The following DPP6 variants were observed in gnomAD, a reference collection of about 807,000 sequenced individuals.
The protein encoded by DPP6 is dipeptidyl peptidase like 6, also known as A-type potassium channel modulatory protein DPP6.
Under a neutral mutation model 122.6 loss-of-function variants are expected in DPP6, and 69 were observed. That is an observed-to-expected ratio of 0.56 (90% CI 0.46 to 0.69). The LOEUF (loss-of-function observed/expected upper bound fraction) is 0.69. DPP6 is among the 30% of genes least tolerant of loss of function. The pLI, the probability that DPP6 is intolerant of heterozygous loss-of-function variation, is 0.00. For synonymous variants in DPP6, 418 were observed against 433.1 expected, an observed-to-expected ratio of 0.97 and a Z score of 0.43; for missense variants, 928 against 1,116.9, an observed-to-expected ratio of 0.83 and a Z score of 2.41.
At chr7:154,871,126 C>T (rs1247727149) in intron 18 of DPP6, among the ~76,000 whole-genome samples, 1 of 152,228 alleles carries the variant, frequency 6.6e-6, no homozygotes, top group Admixed American at 6.5e-5. Flanking sequence ...GCTCCTTAGG[C>T]CTGGCCTCCT....
chr7:154,030,799 C>CA (rs1799185969), intron 1 of DPP6, among the ~76,000 whole-genome samples: 1 of 152,188 alleles, frequency 6.6e-6, no homozygotes. Flanking sequence ...ACCACTCACA[C>CA]AGCCTGATCT....
intron 1 of DPP6, among the ~76,000 whole-genome samples, chr7:154,001,957 ACTC>A (rs2129046035): frequency 6.6e-6 from 1 of 151,056 alleles, no homozygotes; most frequent in South Asian, 2.1e-4. Flanking sequence ...GCTTTTCTGA[ACTC>A]CTACAGGTTT....
At chr7:154,008,917 G>A (rs1308694401) in intron 1 of DPP6, among the ~76,000 whole-genome samples, 2 of 148,590 alleles carry the variant, frequency 1.3e-5, no homozygotes, top group African/African-American at 2.5e-5. Flanking sequence ...CGCCCGCCTC[G>A]GCCTCCCAAA....
At chr7:154,259,035 C>A (rs899069434) in intron 1 of DPP6, among the ~76,000 whole-genome samples, 25 of 152,222 alleles carry the variant, frequency 1.6e-4, no homozygotes, top group African/African-American at 6.0e-4. Flanking sequence ...GTGTTGAAAT[C>A]GGACGGAAGT....
At chr7:154,723,698 A>G (rs1454623591) in intron 7 of DPP6, among the ~76,000 whole-genome samples, 1 of 152,206 alleles carries the variant, frequency 6.6e-6, no homozygotes, top group Non-Finnish European at 1.5e-5. Context: ...TGCCTTTTTC[A>G]TATTTTCAGT....
At chr7:154,366,079 G>GTGCTATCT (rs1292852183) in intron 1 of DPP6, among the ~76,000 whole-genome samples, 3 of 152,152 alleles carry the variant, frequency 2.0e-5, no homozygotes, top group Non-Finnish European at 4.4e-5. Flanking sequence ...AGCACCTGGG[G>GTGCTATCT]TGCTATCTTG....
intron 1 of DPP6, among the ~76,000 whole-genome samples, chr7:153,916,226 G>A (rs983912748): frequency 6.6e-6 from 1 of 151,918 alleles, no homozygotes; most frequent in Non-Finnish European, 1.5e-5. Context: ...TCCCACCTTG[G>A]CCTCACAAAG....
chr7:154,193,527 GA>G (rs996477336), intron 1 of DPP6, among the ~76,000 whole-genome samples: 1 of 152,142 alleles, frequency 6.6e-6, no homozygotes, highest in Admixed American at 6.6e-5. Context: ...AGGTTGAATG[GA>G]GGGGCAGACT....
intron 1 of DPP6, among the ~76,000 whole-genome samples, chr7:154,442,418 A>G (rs1010847524): frequency 6.6e-6 from 1 of 152,184 alleles, no homozygotes; most frequent in East Asian, 1.9e-4. Flanking sequence ...ACCAGGCAAG[A>G]CTTCCTACGA....
intron 1 of DPP6, among the ~76,000 whole-genome samples, chr7:154,412,871 G>C (rs1344584869): frequency 6.6e-6 from 1 of 152,140 alleles, no homozygotes; most frequent in Non-Finnish European, 1.5e-5. Context: ...GGGTGTTCTG[G>C]GCGTGCTTTT....
At chr7:154,726,174 A>G (rs1029750980) in intron 7 of DPP6, among the ~76,000 whole-genome samples, 1 of 152,132 alleles carries the variant, frequency 6.6e-6, no homozygotes, top group Non-Finnish European at 1.5e-5. Context: ...CTACCATTCT[A>G]GGGTCTGGAA....
chr7:154,404,971 GTAA>G (rs1355726230), intron 1 of DPP6, among the ~76,000 whole-genome samples: 4 of 152,218 alleles, frequency 2.6e-5, no homozygotes, highest in African/African-American at 9.7e-5. Context: ...AATAAGTTTA[GTAA>G]TAATAACAAA....
intron 4 of DPP6, among the ~76,000 whole-genome samples, chr7:154,556,867 C>G (rs1326296689): frequency 1.3e-5 from 2 of 152,014 alleles, no homozygotes; most frequent in Admixed American, 1.3e-4. Flanking sequence ...AGCCTGAAAC[C>G]AAGGCCTGCT....
rs752426333 is a variant in DPP6, at chr7:154,374,608, T to TTTC, written c.244-71603_244-71601dup. On this transcript the variant is annotated intron_variant, in intron 1 of 25. Coordinates refer to ENST00000377770, the MANE Select transcript of DPP6 (RefSeq NM_130797.4). ...GTTTATTTTTTCTTTTTCTGTTTTTTTTCTTTTTTTCTTTTTTTTTGAGAC... is the reference window on the plus strand; with the variant it reads ...GTTTATTTTTTCTTTTTCTGTTTTTTTTCTTCTTTTTTTCTTTTTTTTTGAGAC... Among the ~76,000 whole-genome samples, 37 of 151,568 alleles carry TTTC rather than the reference T, an allele frequency of 2.4e-4. No homozygotes were observed. The Middle Eastern group carries it at 0.017, about 70-fold the overall frequency.
intron 16 of DPP6, 94 bp downstream of exon 16, chr7:154,807,206 T>G (rs1587204292): frequency 6.6e-7 from 1 of 1,513,716 alleles, no homozygotes; most frequent in Non-Finnish European, 8.9e-7. Flanking sequence ...GCAGCGGCTG[T>G]GGTGGGAGCA....
chr7:154,013,511 A>C (rs1347918696), intron 1 of DPP6, among the ~76,000 whole-genome samples: 2 of 151,426 alleles, frequency 1.3e-5, no homozygotes, highest in African/African-American at 2.4e-5. Flanking sequence ...GTTAAAAAAA[A>C]ACAACATACA....
At chr7:153,980,788 C>T (rs1796544156) in intron 1 of DPP6, among the ~76,000 whole-genome samples, 1 of 152,174 alleles carries the variant, frequency 6.6e-6, no homozygotes, top group African/African-American at 2.4e-5. Context: ...TTATTTCTGC[C>T]TTAATTTCAT....
the DPP6 span, among the ~76,000 whole-genome samples, chr7:153,757,950 T>C: frequency 6.6e-6 from 1 of 152,102 alleles, no homozygotes; most frequent in Non-Finnish European, 1.5e-5. Context: ...CAGAATGAGA[T>C]GTTGTCTCAA....
At chr7:153,811,287 AC>A in the DPP6 span, among the ~76,000 whole-genome samples, 1 of 152,132 alleles carries the variant, frequency 6.6e-6, no homozygotes, top group African/African-American at 2.4e-5. Context: ...TACTAGGTTG[AC>A]TTTTACTCTC....
Sources: gnomAD v4.1 joint callset for allele counts (sites outside exome capture counted in the v4.1 genomes callset) on GRCh38, gnomAD v4.1.1 for gene constraint, MANE v1.5 for transcripts, NCBI Gene and HGNC (gene_info 2026-07-23, HGNC 2026-07-21) for gene names.